TDRD3: variants seen among roughly 807,000 people sequenced by gnomAD.
The protein encoded by TDRD3 is tudor domain-containing protein 3.
TDRD3 carries 45 observed loss-of-function variants against 86.7 expected under a neutral mutation model. The ratio of observed to expected loss-of-function variants is 0.52; its 90% CI spans 0.41 to 0.67. TDRD3 has a LOEUF of 0.67. Ranked by LOEUF, TDRD3 falls within the 30% of genes least tolerant of loss-of-function variation. The probability of loss-of-function intolerance (pLI) is 0.00; values close to 1 mark genes in which losing one functional copy is unlikely to be tolerated. For missense variants in TDRD3, 814 were observed against 889.0 expected, an observed-to-expected ratio of 0.92 and a Z score of 1.07; for synonymous variants, 298 against 301.7, an observed-to-expected ratio of 0.99 and a Z score of 0.13.
At chr13:60,417,580 G>C (rs1317769587) in intron 1 of TDRD3, among the ~76,000 whole-genome samples, 1 of 152,030 alleles carries the variant, frequency 6.6e-6, no homozygotes, top group Non-Finnish European at 1.5e-5. Context: ...GACTTCAGGT[G>C]ATCCACCTGC....
rs114273270 is a variant in TDRD3, at chr13:60,476,398, G to C, written c.496-7377G>C. ...GTTCTTTATCCTGTTCCATTGGTCCGTGAGTCTGTTTTTGTACCCAGTACT... is the reference window on the plus strand; with the variant it reads ...GTTCTTTATCCTGTTCCATTGGTCCCTGAGTCTGTTTTTGTACCCAGTACT... On this transcript the variant is annotated intron_variant, in intron 5 of 13. Coordinates refer to ENST00000377881, the MANE Select transcript of TDRD3 (RefSeq NM_001146070.2). 9.3e-3 allele frequency among the ~76,000 whole-genome samples: 1,419 copies of C among 151,904 alleles called. 20 individuals carry two copies. The highest frequency in any genetic ancestry group is 0.032 in the African/African-American group (1,323 of 41,430).
At chr13:60,473,762 A>G (rs557521059) in intron 5 of TDRD3, among the ~76,000 whole-genome samples, 22 of 152,302 alleles carry the variant, frequency 1.4e-4, no homozygotes, top group African/African-American at 4.3e-4. Flanking sequence ...CAGGGCCACT[A>G]GAGGGCTCCC....
intron 12 of TDRD3, among the ~76,000 whole-genome samples, chr13:60,559,415 T>G (rs1358555003): frequency 6.6e-6 from 1 of 152,176 alleles, no homozygotes; most frequent in Admixed American, 6.5e-5. Context: ...CTACTCTGAT[T>G]TCTGGGCAAG....
intron 10 of TDRD3, among the ~76,000 whole-genome samples, chr13:60,524,261 T>G (rs1957355709): frequency 6.6e-6 from 1 of 152,094 alleles, no homozygotes; most frequent in African/African-American, 2.4e-5. Context: ...ATCCCAGCAC[T>G]TAGGGAGACC....
chr13:60,439,104 A>G (rs1451951172), intron 1 of TDRD3, among the ~76,000 whole-genome samples: 2 of 152,076 alleles, frequency 1.3e-5, no homozygotes, highest in African/African-American at 4.8e-5. Flanking sequence ...AAATAAGACA[A>G]TGCGTAAAAA....
chr13:60,572,854 A>G (rs896015454), intron 13 of TDRD3, among the ~76,000 whole-genome samples: 1 of 152,206 alleles, frequency 6.6e-6, no homozygotes, highest in African/African-American at 2.4e-5. Context: ...CATCAATGTC[A>G]GGAAAATGAT....
rs558021207 is a variant in TDRD3 at position 60,460,519 on chromosome 13, T to G, written c.332T>G (p.Phe111Cys). 11 of 1,559,562 alleles carry G rather than the reference T, an allele frequency of 7.1e-6. No individual in the cohort carries two copies. The highest frequency in any genetic ancestry group is 7.0e-5 in the African/African-American group (5 of 71,236). ...DGHISCTAVE[F>C]SYMSKISLNT... Reference sequence around the variant, plus strand: ...CATATAAGTTGCACAGCAGTAGAATTTAGTTATATGTCAAAAATAAGGTGA... The same window carrying G: ...CATATAAGTTGCACAGCAGTAGAATGTAGTTATATGTCAAAAATAAGGTGA... The change falls in exon 4 of 14, where the codon TTT becomes TGT. Residue 111 changes from phenylalanine to cysteine, a missense_variant. By Grantham distance (205) the Phe-to-Cys change is radical. Transcript: ENST00000377881.
At chr13:60,428,518 G>T (rs189381249) in intron 1 of TDRD3, among the ~76,000 whole-genome samples, 5 of 152,086 alleles carry the variant, frequency 3.3e-5, no homozygotes, top group African/African-American at 1.2e-4. Context: ...TAATTTTATC[G>T]TGCATAGCAC....
At chr13:60,512,728 G>A (rs1350991924) in intron 10 of TDRD3, among the ~76,000 whole-genome samples, 1 of 152,208 alleles carries the variant, frequency 6.6e-6, no homozygotes, top group Non-Finnish European at 1.5e-5. Context: ...CTCACATCTA[G>A]GTTATACGGA....
upstream of TDRD3, chr13:60,397,061 A>C: frequency 3.5e-6 from 1 of 286,222 alleles, no homozygotes; most frequent in Non-Finnish European, 6.5e-6. Context: ...CCTTCGGGGA[A>C]GAGGCAAAGT....
At chr13:60,398,581 G>T (rs1954007539) in intron 1 of TDRD3, among the ~76,000 whole-genome samples, 1 of 152,158 alleles carries the variant, frequency 6.6e-6, no homozygotes, top group African/African-American at 2.4e-5. Flanking sequence ...CTTTGAAGAA[G>T]CCCCTCCTGA....
intron 5 of TDRD3, among the ~76,000 whole-genome samples, chr13:60,472,464 A>C (rs1292184527): frequency 6.6e-6 from 1 of 152,194 alleles, no homozygotes; most frequent in Non-Finnish European, 1.5e-5. Context: ...TATCCATTAC[A>C]ATGTCTACTG....
At chr13:60,530,062 G>A (rs1277296922) in intron 11 of TDRD3, among the ~76,000 whole-genome samples, 4 of 152,132 alleles carry the variant, frequency 2.6e-5, no homozygotes, top group Non-Finnish European at 5.9e-5. Context: ...TCTTTGACCT[G>A]CCCCATCCTC....
At chr13:60,546,975 T>C (rs1364766530) in intron 12 of TDRD3, among the ~76,000 whole-genome samples, 1 of 152,176 alleles carries the variant, frequency 6.6e-6, no homozygotes, top group Non-Finnish European at 1.5e-5. Context: ...TTATAAACTT[T>C]CTGAGTTTTT....
At chr13:60,548,244 C>A (rs746563959) in intron 12 of TDRD3, among the ~76,000 whole-genome samples, 1 of 152,164 alleles carries the variant, frequency 6.6e-6, no homozygotes, top group African/African-American at 2.4e-5. Context: ...AGCCCACCCT[C>A]AGCCAAACTA....
In TDRD3 at chr13:60,467,139, A is replaced by T. The variant is rs1955960288; in HGVS notation, c.354-99A>T. 2.9e-6 allele frequency: 4 copies of T among 1,401,866 alleles called. No individual in the cohort carries two copies. The South Asian group carries it at 5.3e-5, about 19-fold the overall frequency. The allele number at this position is 1,401,866 out of a possible 1,614,324, so 86.8% of individuals were successfully genotyped here. A position where few individuals can be genotyped will look rare whatever the true frequency, so the allele number is the denominator to read the frequency against. On this transcript the variant is annotated intron_variant, in intron 4 of 13. Coordinates refer to ENST00000377881, the MANE Select transcript of TDRD3 (RefSeq NM_001146070.2). The stretch of plus-strand genomic sequence containing the variant: ...TTTTCCTAATGCTCTCCCTCCCACT[A>T]CCCCACTGCCTGACAGGCCCCGGTC...
intron 8 of TDRD3, among the ~76,000 whole-genome samples, chr13:60,498,216 T>C (rs1460144654): frequency 6.6e-6 from 1 of 152,070 alleles, no homozygotes; most frequent in Non-Finnish European, 1.5e-5. Flanking sequence ...CCTTGCAAAA[T>C]AGATTTGTGA....
chr13:60,444,590 A>G (rs955042159), intron 2 of TDRD3, 93 bp from the exon 3 acceptor site: 1 of 757,068 alleles, frequency 1.3e-6, no homozygotes, highest in Non-Finnish European at 2.0e-6. Flanking sequence ...TTTGTTTCAC[A>G]AACCATAAGT....
chr13:60,549,426 T>A (rs1957997548), intron 12 of TDRD3, among the ~76,000 whole-genome samples: 1 of 152,108 alleles, frequency 6.6e-6, no homozygotes, highest in Non-Finnish European at 1.5e-5. Flanking sequence ...AAATGCCCTA[T>A]AAAGCTGGTT....
Sources: allele counts gnomAD v4.1 joint callset (sites outside exome capture counted in the v4.1 genomes callset), GRCh38; gene constraint gnomAD v4.1.1; transcripts MANE v1.5; gene names NCBI Gene and HGNC (gene_info 2026-07-23, HGNC 2026-07-21).